Variants in HBS1L observed in about 807,000 individuals in gnomAD.
HBS1L encodes the protein HBS1 like translational GTPase.
In HBS1L, 55 loss-of-function variants were observed where a neutral mutation model predicts 88.9. The ratio of observed to expected loss-of-function variants is 0.62; its 90% CI spans 0.50 to 0.77. The LOEUF is 0.77. Ranked by LOEUF, HBS1L falls within the 30% of genes least tolerant of loss-of-function variation. The pLI is 0.00. For missense variants in HBS1L, 741 were observed against 829.3 expected (o/e 0.89, Z 1.31); for synonymous variants, 267 against 288.5 (o/e 0.93, Z 0.76).
chr6:134,995,213 A>G (rs1202248178), intron 7 of HBS1L, among the ~76,000 whole-genome samples: 1 of 152,128 alleles, frequency 6.6e-6, no homozygotes, highest in African/African-American at 2.4e-5. Flanking sequence ...AACCCTAAGG[A>G]TATGAAATGT....
Position 135,041,992 on chromosome 6 carries a change from T to C in HBS1L, c.235+9A>G, listed in dbSNP as rs796647692. On this transcript the variant is annotated intron_variant, in intron 3 of 17. Coordinates refer to ENST00000367837, the MANE Select transcript of HBS1L (RefSeq NM_006620.4). The stretch of plus-strand genomic sequence containing the variant: ...TTTCAGATAACAGATACACTACTTT[T>C]TGCTATACCTTGATCAAATCCACTG... The C allele has an allele frequency of 2.5e-6, 4 of 1,611,560 alleles. No homozygotes were observed. In the African/African-American group the frequency reaches 5.3e-5, roughly 21 times the overall value.
chr6:134,998,626 T>C (rs924899237), intron 5 of HBS1L, among the ~76,000 whole-genome samples: 1 of 152,200 alleles, frequency 6.6e-6, no homozygotes, highest in Non-Finnish European at 1.5e-5. Context: ...TCATTTAAGA[T>C]TGTAGCATGA....
intron 13 of HBS1L, 187 bp downstream of exon 13, chr6:134,982,271 C>A: frequency 1.8e-6 from 1 of 557,732 alleles, no homozygotes; most frequent in East Asian, 3.0e-5. Flanking sequence ...TATACAGACA[C>A]AATCACAACA....
At chr6:135,028,895 C>G (rs1026256035) in intron 4 of HBS1L, among the ~76,000 whole-genome samples, 1 of 151,704 alleles carries the variant, frequency 6.6e-6, no homozygotes, top group African/African-American at 2.4e-5. Context: ...ACAAGACAAG[C>G]TGTTTCTAAA....
intron 15 of HBS1L, among the ~76,000 whole-genome samples, chr6:134,977,809 G>GA (rs930701889): frequency 6.6e-6 from 1 of 151,284 alleles, no homozygotes; most frequent in Non-Finnish European, 1.5e-5. Context: ...GAGCTAATTA[G>GA]AAAAAAAAGT....
chr6:135,042,252 G>GT, intron 2 of HBS1L, 126 bp from the exon 3 acceptor site: 1 of 762,182 alleles, frequency 1.3e-6, no homozygotes, highest in Non-Finnish European at 2.0e-6. Context: ...TTTCATAAGG[G>GT]ATGAAAACAA....
intron 4 of HBS1L, among the ~76,000 whole-genome samples, chr6:135,009,275 A>G (rs190801096): frequency 1.3e-5 from 2 of 152,348 alleles, no homozygotes; most frequent in East Asian, 3.9e-4. Context: ...CTATTATCAA[A>G]AAGTGTATTC....
At chr6:135,017,418 A>G (rs1010728097) in intron 4 of HBS1L, among the ~76,000 whole-genome samples, 6 of 152,170 alleles carry the variant, frequency 3.9e-5, no homozygotes, top group African/African-American at 1.4e-4. Context: ...AATGTAAGAA[A>G]TATTACAAGG....
chr6:135,015,833 T>C (rs1367693723), intron 4 of HBS1L, among the ~76,000 whole-genome samples: 2 of 149,912 alleles, frequency 1.3e-5, no homozygotes, highest in Non-Finnish European at 3.0e-5. Flanking sequence ...TCCACCCACC[T>C]CAGCCTCCCA....
chr6:135,004,428 A>G (rs938887995), intron 4 of HBS1L, among the ~76,000 whole-genome samples: 5 of 152,258 alleles, frequency 3.3e-5, no homozygotes, highest in African/African-American at 1.2e-4. Flanking sequence ...TAACTAGCAC[A>G]GAAAGAAAGA....
At chr6:135,028,055 C>A (rs1004704944) in intron 4 of HBS1L, among the ~76,000 whole-genome samples, 2 of 151,968 alleles carry the variant, frequency 1.3e-5, no homozygotes, top group African/African-American at 4.8e-5. Flanking sequence ...CATGAGCCAC[C>A]GCGCCTGGCC....
chr6:135,025,351 C>A (rs1315875997), intron 4 of HBS1L, among the ~76,000 whole-genome samples: 1 of 152,180 alleles, frequency 6.6e-6, no homozygotes, highest in African/African-American at 2.4e-5. Flanking sequence ...TGGAGGCGTA[C>A]CTCTGAAGGA....
At position 134,996,886 on chromosome 6, in the gene HBS1L, T is replaced by G; in HGVS notation, c.856A>C (p.Asn286His). 6.2e-7 allele frequency: 1 copy of G among 1,609,430 alleles called. No homozygotes were observed. Among genetic ancestry groups the G allele is most frequent in the Non-Finnish European group, 8.5e-7 (1 of 1,178,514 alleles). Residue 286 changes from asparagine (N) to histidine (H), a missense_variant, in exon 7 of 18, where the codon AAT (asparagine) becomes CAT (histidine). Asn to His is a moderately conservative substitution (Grantham distance 68). Transcript: ENST00000367837. ...TTATGCATAGTTCTTTTGTTTATAT[T>G]ACCCAGAAGATAAAGCATATGGCCC... The part of the protein sequence containing the change: ...LMGHMLYLLG[N>H]INKRTMHKYE...
chr6:135,042,024 T>A lies in HBS1L; in HGVS notation c.212A>T (p.His71Leu). Residue 71 changes from histidine to leucine, a missense_variant, in exon 3 of 18, where the codon CAT (histidine) becomes CTT (leucine). By Grantham distance (99) the His-to-Leu change is moderately conservative (BLOSUM62 -3). Around this residue, in one of 3 missense-constraint regions of HBS1L, gnomAD observed 556 missense variants for 598.4 expected, o/e 0.93. Transcript: ENST00000367837. ...LKESSNSVSN[H>L]QLSGFDQARL... Reference sequence around the variant, plus strand: ...ACCTTGATCAAATCCACTGAGCTGATGGTTTGAAACAGAATTGGAAGATTC... The same window carrying A: ...ACCTTGATCAAATCCACTGAGCTGAAGGTTTGAAACAGAATTGGAAGATTC... 6.2e-7 allele frequency: 1 copy of A among 1,613,560 alleles called. No homozygotes were observed. Among genetic ancestry groups the A allele is most frequent in the Non-Finnish European group, 8.5e-7 (1 of 1,179,778 alleles).
chr6:135,052,668 T>C (rs548195367), intron 1 of HBS1L, among the ~76,000 whole-genome samples: 1 of 152,044 alleles, frequency 6.6e-6, no homozygotes, highest in African/African-American at 2.4e-5. Flanking sequence ...CCACAACATA[T>C]AAAGATGAAG....
At chr6:135,005,503 A>C (rs1047421486) in intron 4 of HBS1L, among the ~76,000 whole-genome samples, 4 of 152,206 alleles carry the variant, frequency 2.6e-5, no homozygotes, top group African/African-American at 9.7e-5. Context: ...AAATATTCCA[A>C]ATTCTGAATC....
At chr6:135,035,771 A>AGC in intron 4 of HBS1L, 1 of 105,932 alleles carries the variant, frequency 9.4e-6, no homozygotes, top group East Asian at 2.7e-4. Context: ...AAAAAAAAAA[A>AGC]AAAAAAAAAA....
At chr6:135,051,094 CGT>C (rs1583165989) in intron 1 of HBS1L, among the ~76,000 whole-genome samples, 2 of 151,926 alleles carry the variant, frequency 1.3e-5, no homozygotes, top group African/African-American at 2.4e-5. Flanking sequence ...GACATGGTGA[CGT>C]GCACCTGTAA....
In HBS1L at chr6:134,960,578, T is replaced by G. The variant is rs889365691; in HGVS notation, c.*4701A>C. The G allele has an allele frequency of 1.3e-5, 2 of 151,348 alleles. No individual in the cohort carries two copies. The highest frequency in any genetic ancestry group is 6.6e-5 in the Admixed American group (1 of 15,114). The allele number at this position is 151,348 out of a possible 1,614,324, so 9.4% of individuals were successfully genotyped here. ...TGTTATTAATATGAAATTCTCTTAA[T>G]TTTTTTTTACTTGCTTTAAATTCTT... On this transcript the variant is annotated 3_prime_UTR_variant, in exon 18 of 18. Coordinates refer to ENST00000367837, the MANE Select transcript of HBS1L (RefSeq NM_006620.4).
Sources: allele counts gnomAD v4.1 joint callset (sites outside exome capture counted in the v4.1 genomes callset), GRCh38; gene constraint gnomAD v4.1.1; regional missense constraint gnomAD v4.1.1; transcripts MANE v1.5; gene names NCBI Gene and HGNC (gene_info 2026-07-23, HGNC 2026-07-21).